The following KDM4C variants were observed in gnomAD, a reference collection of about 807,000 sequenced individuals.
The protein encoded by KDM4C is lysine demethylase 4C, also known as lysine-specific demethylase 4C.
KDM4C carries 81 observed loss-of-function variants against 129.3 expected under a neutral mutation model. The ratio of observed to expected loss-of-function variants is 0.63; its 90% CI spans 0.52 to 0.75. The LOEUF (loss-of-function observed/expected upper bound fraction) is 0.75. Among genes scored for constraint, KDM4C ranks in the 30% least tolerant of loss-of-function variants. The pLI is 0.00. For missense variants in KDM4C, 1,457 were observed against 1,304.0 expected (o/e 1.12, Z -1.81); for synonymous variants, 573 against 456.1 (o/e 1.26, Z -3.26).
At chr9:6,728,022 A>G (rs1012796955) in intron 1 of KDM4C, among the ~76,000 whole-genome samples, 2 of 150,524 alleles carry the variant, frequency 1.3e-5, no homozygotes, top group Non-Finnish European at 3.0e-5. Flanking sequence ...AAACCACTAC[A>G]GAATACTAAA....
chr9:6,799,806 C>T (rs1351170796), intron 2 of KDM4C, among the ~76,000 whole-genome samples: 2 of 151,836 alleles, frequency 1.3e-5, no homozygotes, highest in Non-Finnish European at 2.9e-5. Flanking sequence ...GTTTTTATAA[C>T]ATTCTTAAAT....
At chr9:7,118,484 C>G (rs1587729456) in intron 18 of KDM4C, among the ~76,000 whole-genome samples, 1 of 152,134 alleles carries the variant, frequency 6.6e-6, no homozygotes, top group Admixed American at 6.6e-5. Context: ...CTGCTGCATA[C>G]CTTTGGTAAA....
At chr9:6,790,427 A>AT (rs1413330101) in intron 1 of KDM4C, among the ~76,000 whole-genome samples, 1 of 138,444 alleles carries the variant, frequency 7.2e-6, no homozygotes, top group Non-Finnish European at 1.6e-5. Flanking sequence ...TTTTTTTTGT[A>AT]TTTTTTAGTA....
rs1176723796 is a variant in KDM4C, at chr9:7,112,146, AAAAG to A, written c.2610+8283_2610+8286del. On this transcript the variant is annotated intron_variant, in intron 18 of 21. Transcript: ENST00000381309. ...GAGTTCCTCAAAGTAGGGAAGATTA[AAAAG>A]AAAGAAGAGTTTCTCATTTAGGCAT... Among the ~76,000 whole-genome samples the A allele has an allele frequency of 7.9e-4, 121 of 152,290 alleles. No individual in the cohort carries two copies. In the Middle Eastern group the frequency reaches 0.01, roughly 13 times the overall value.
chr9:6,945,140 G>A (rs1031634019), intron 8 of KDM4C, among the ~76,000 whole-genome samples: 31 of 152,034 alleles, frequency 2.0e-4, no homozygotes, highest in Middle Eastern at 3.4e-3. Context: ...CCGTGGACCC[G>A]CACACATACT....
At chr9:6,981,194 A>G in intron 9 of KDM4C, 76 bp downstream of exon 9, 4 of 1,154,506 alleles carry the variant, frequency 3.5e-6, no homozygotes, top group Non-Finnish European at 4.8e-6. Context: ...GGATGTGGCA[A>G]TTTACTTGCT....
intron 8 of KDM4C, among the ~76,000 whole-genome samples, chr9:6,903,229 C>T (rs1438429123): frequency 2.0e-4 from 31 of 151,980 alleles, no homozygotes; most frequent in Admixed American, 2.0e-3. Flanking sequence ...CAGGGTTGTC[C>T]TTTGATTTTG....
At chr9:6,784,521 C>T (rs1235146137) in intron 1 of KDM4C, among the ~76,000 whole-genome samples, 1 of 152,088 alleles carries the variant, frequency 6.6e-6, no homozygotes, top group Non-Finnish European at 1.5e-5. Flanking sequence ...TGTGAGCCAC[C>T]ACACTCGGCC....
At chr9:6,909,884 A>C (rs573235138) in intron 8 of KDM4C, among the ~76,000 whole-genome samples, 1 of 152,206 alleles carries the variant, frequency 6.6e-6, no homozygotes, top group African/African-American at 2.4e-5. Context: ...TTGAAGCGGC[A>C]CATCATTGGT....
intron 19 of KDM4C, among the ~76,000 whole-genome samples, chr9:7,158,646 C>T (rs1021522139): frequency 7.9e-5 from 12 of 152,186 alleles, no homozygotes; most frequent in African/African-American, 1.4e-4. Flanking sequence ...TGTAGTTGAG[C>T]GGTTTTGAGT....
chr9:6,770,767 C>CT (rs753670348), intron 1 of KDM4C, among the ~76,000 whole-genome samples: 4,483 of 81,692 alleles, frequency 0.055, 135 homozygotes, highest in Non-Finnish European at 0.079. Flanking sequence ...GATTTTGATC[C>CT]TTTTTTTTTT....
intron 1 of KDM4C, among the ~76,000 whole-genome samples, chr9:6,724,553 C>T (rs772658211): frequency 1.6e-4 from 25 of 152,112 alleles, no homozygotes; most frequent in Non-Finnish European, 3.4e-4. Context: ...ATTTTTGAGA[C>T]GGATACTTGT....
chr9:7,122,840 T>C (rs1026090708), intron 18 of KDM4C, among the ~76,000 whole-genome samples: 2 of 152,190 alleles, frequency 1.3e-5, no homozygotes, highest in Admixed American at 6.6e-5. Context: ...TTTACAGCCT[T>C]AGCTTACACA....
intron 8 of KDM4C, among the ~76,000 whole-genome samples, chr9:6,899,293 G>A (rs946103601): frequency 2.0e-5 from 3 of 151,940 alleles, no homozygotes; most frequent in Non-Finnish European, 2.9e-5. Flanking sequence ...CCAGAGAGGT[G>A]CATTTGTTAC....
chr9:6,724,213 T>G (rs1224500162), intron 1 of KDM4C, among the ~76,000 whole-genome samples: 6 of 152,206 alleles, frequency 3.9e-5, no homozygotes, highest in African/African-American at 7.2e-5. Flanking sequence ...TGATGGTGAC[T>G]GACAGTTACA....
intron 1 of KDM4C, among the ~76,000 whole-genome samples, chr9:6,746,689 GGGC>G (rs1817886952): frequency 6.7e-6 from 1 of 149,752 alleles, no homozygotes; most frequent in South Asian, 2.1e-4. Context: ...AGACTAGCCT[GGGC>G]AACATGGCAA....
At chr9:6,850,955 A>T (rs1219456241) in intron 5 of KDM4C, among the ~76,000 whole-genome samples, 1 of 151,770 alleles carries the variant, frequency 6.6e-6, no homozygotes, top group African/African-American at 2.4e-5. Flanking sequence ...GGGTTTCACC[A>T]TGTTGGCCAG....
At chr9:6,778,494 C>T (rs796692925) in intron 1 of KDM4C, among the ~76,000 whole-genome samples, 10 of 151,400 alleles carry the variant, frequency 6.6e-5, no homozygotes, top group African/African-American at 1.7e-4. Flanking sequence ...AGGCCCGGTG[C>T]GGTAGCTCAC....
At chr9:6,978,748 A>T (rs1833360202) in intron 8 of KDM4C, 1 of 149,358 alleles carries the variant, frequency 6.7e-6, no homozygotes, top group Non-Finnish European at 1.5e-5. Context: ...GGATAACCAC[A>T]TTCTCTCTTC....
Sources: gnomAD v4.1 joint callset for allele counts (sites outside exome capture counted in the v4.1 genomes callset) on GRCh38, gnomAD v4.1.1 for gene constraint, MANE v1.5 for transcripts, NCBI Gene and HGNC (gene_info 2026-07-23, HGNC 2026-07-21) for gene names.